Variants in TUSC3 observed in about 807,000 individuals in gnomAD.
The protein encoded by TUSC3 is dolichyl-diphosphooligosaccharide--protein glycosyltransferase subunit TUSC3.
In TUSC3, 45 loss-of-function variants were observed where a neutral mutation model predicts 44.8. The ratio of observed to expected loss-of-function variants is 1.00; its 90% CI spans 0.79 to 1.29. TUSC3 has a LOEUF of 1.29. Ranked by LOEUF, TUSC3 falls within the 50% of genes most tolerant of loss-of-function variation. The pLI is 0.00. For missense variants in TUSC3, 519 were observed against 437.9 expected (o/e 1.19, Z -1.65); for synonymous variants, 212 against 152.9 (o/e 1.39, Z -2.85).
At chr8:15,704,281 A>G (rs1263343710) in intron 6 of TUSC3, among the ~76,000 whole-genome samples, 4 of 146,350 alleles carry the variant, frequency 2.7e-5, no homozygotes, top group African/African-American at 1.0e-4. Flanking sequence ...TTGGAATAGC[A>G]AGGAAGCCAG....
intron 2 of TUSC3, among the ~76,000 whole-genome samples, chr8:15,494,332 T>TTTG (rs1450713498): frequency 6.6e-6 from 1 of 151,156 alleles, no homozygotes. Flanking sequence ...TTTTTTTTTT[T>TTTG]TTTGAGACAG....
At chr8:15,534,926 G>C (rs1801502878) in intron 2 of TUSC3, among the ~76,000 whole-genome samples, 1 of 152,174 alleles carries the variant, frequency 6.6e-6, no homozygotes, top group Non-Finnish European at 1.5e-5. Context: ...TGGCCGCTGG[G>C]ATTGGCCAAT....
At chr8:15,679,864 G>T (rs1316501194) in intron 6 of TUSC3, among the ~76,000 whole-genome samples, 2 of 151,814 alleles carry the variant, frequency 1.3e-5, no homozygotes, top group Non-Finnish European at 2.9e-5. Context: ...CCCATTGTTT[G>T]TGTAGACTTT....
chr8:15,635,097 A>C (rs1806005845), intron 2 of TUSC3, among the ~76,000 whole-genome samples: 1 of 151,504 alleles, frequency 6.6e-6, no homozygotes, highest in East Asian at 1.9e-4. Flanking sequence ...CACCCAGGGG[A>C]TATATTGGTT....
chr8:15,509,256 C>A (rs754909196), intron 2 of TUSC3, among the ~76,000 whole-genome samples: 2 of 152,166 alleles, frequency 1.3e-5, no homozygotes, highest in Non-Finnish European at 2.9e-5. Context: ...ATAAATTAAA[C>A]CACAGCCATC....
intron 1 of TUSC3, among the ~76,000 whole-genome samples, chr8:15,542,697 T>C (rs181422709): frequency 6.6e-6 from 1 of 152,358 alleles, no homozygotes; most frequent in African/African-American, 2.4e-5. Flanking sequence ...AACATGTTTC[T>C]ATTAAAATTT....
chr8:15,658,342 A>G (rs539716488), intron 3 of TUSC3, among the ~76,000 whole-genome samples: 1 of 152,140 alleles, frequency 6.6e-6, no homozygotes, highest in African/African-American at 2.4e-5. Flanking sequence ...TGTCTTGTAA[A>G]TAATGACTGC....
intron 1 of TUSC3, among the ~76,000 whole-genome samples, chr8:15,608,903 A>G (rs958861765): frequency 1.3e-5 from 2 of 152,194 alleles, no homozygotes; most frequent in African/African-American, 2.4e-5. Flanking sequence ...AAATAACCAA[A>G]AGAAATCTTT....
intron 1 of TUSC3, among the ~76,000 whole-genome samples, chr8:15,426,713 A>G (rs904925480): frequency 1.3e-5 from 2 of 152,206 alleles, no homozygotes; most frequent in African/African-American, 4.8e-5. Flanking sequence ...TATCTCTCCA[A>G]GATCCTGATT....
chr8:15,705,735 A>C (rs1285843235), intron 6 of TUSC3, among the ~76,000 whole-genome samples: 1 of 152,000 alleles, frequency 6.6e-6, no homozygotes, highest in Non-Finnish European at 1.5e-5. Context: ...CCTGCATAGT[A>C]CTGCTTCAGC....
At chr8:15,484,936 T>C (rs1563263482) in intron 2 of TUSC3, among the ~76,000 whole-genome samples, 2 of 152,234 alleles carry the variant, frequency 1.3e-5, no homozygotes, top group East Asian at 1.9e-4. Context: ...TAAAAACTTA[T>C]TGAGTAACTT....
chr8:15,667,289 A>G (rs80301109), intron 5 of TUSC3, among the ~76,000 whole-genome samples: 3,416 of 151,584 alleles, frequency 0.023, 124 homozygotes, highest in African/African-American at 0.076. Context: ...TTTTTTTTGT[A>G]ACTAAAGCAG....
chr8:15,830,814 A>G, the TUSC3 span, among the ~76,000 whole-genome samples: 1 of 152,204 alleles, frequency 6.6e-6, no homozygotes, highest in South Asian at 2.1e-4. Flanking sequence ...GATATTTACT[A>G]TTCAGGTGAT....
At chr8:15,847,508 C>T in the TUSC3 span, among the ~76,000 whole-genome samples, 1 of 152,246 alleles carries the variant, frequency 6.6e-6, no homozygotes, top group African/African-American at 2.4e-5. Context: ...AGCAGCATTT[C>T]CTCACGCAAA....
At chr8:15,452,714 G>C (rs920581591) in intron 1 of TUSC3, among the ~76,000 whole-genome samples, 3 of 152,112 alleles carry the variant, frequency 2.0e-5, no homozygotes, top group Admixed American at 2.0e-4. Context: ...GCTATCACCA[G>C]ACCCTGGGCT....
At chr8:15,522,531 C>G (rs1279869926) in intron 2 of TUSC3, among the ~76,000 whole-genome samples, 1 of 151,670 alleles carries the variant, frequency 6.6e-6, no homozygotes, top group Non-Finnish European at 1.5e-5. Flanking sequence ...CCATGCCCAG[C>G]CTATTCAGCC....
chr8:15,515,956 A>G (rs1022731714), intron 2 of TUSC3, among the ~76,000 whole-genome samples: 3 of 152,160 alleles, frequency 2.0e-5, no homozygotes, highest in Admixed American at 6.5e-5. Flanking sequence ...GGCATGAGCC[A>G]CCATGCCGGG....
chr8:15,667,962 G>A (rs1052171694), intron 5 of TUSC3, among the ~76,000 whole-genome samples: 6 of 151,658 alleles, frequency 4.0e-5, no homozygotes, highest in Non-Finnish European at 7.4e-5. Flanking sequence ...GATGCCTTGA[G>A]CCAATGGTGT....
intron 1 of TUSC3, among the ~76,000 whole-genome samples, chr8:15,590,812 C>A (rs1585131929): frequency 6.6e-6 from 1 of 151,884 alleles, no homozygotes; most frequent in Non-Finnish European, 1.5e-5. Flanking sequence ...GCTGGCACAA[C>A]AGGTGCACAC....
Sources: allele counts gnomAD v4.1 joint callset (sites outside exome capture counted in the v4.1 genomes callset), GRCh38; gene constraint gnomAD v4.1.1; transcripts MANE v1.5; gene names NCBI Gene and HGNC (gene_info 2026-07-23, HGNC 2026-07-21).